DGKI: variants seen among roughly 807,000 people sequenced by gnomAD.
The protein encoded by DGKI is diacylglycerol kinase iota.
Under a neutral mutation model 147.5 loss-of-function variants are expected in DGKI, and 55 were observed. That is an observed-to-expected ratio of 0.37 (90% CI 0.30 to 0.47). DGKI has a LOEUF of 0.47. DGKI is among the 20% of genes least tolerant of loss of function. The pLI is 1.00. For missense variants in DGKI, 1,007 were observed against 1,323.8 expected (o/e 0.76, Z 3.71); for synonymous variants, 469 against 477.1 (o/e 0.98, Z 0.22).
At chr7:137,447,287 G>A (rs1051809396) in intron 27 of DGKI, among the ~76,000 whole-genome samples, 1 of 152,080 alleles carries the variant, frequency 6.6e-6, no homozygotes, top group Admixed American at 6.5e-5. Context: ...CAGGCCATGT[G>A]CCAAGGGAAG....
intron 27 of DGKI, among the ~76,000 whole-genome samples, chr7:137,454,089 T>C (rs1814086482): frequency 6.6e-6 from 1 of 152,168 alleles, no homozygotes; most frequent in South Asian, 2.1e-4. Flanking sequence ...TTAATGATGA[T>C]ATAATATATT....
At chr7:137,817,094 C>T (rs192953072) in intron 1 of DGKI, among the ~76,000 whole-genome samples, 82 of 152,312 alleles carry the variant, frequency 5.4e-4, no homozygotes, top group African/African-American at 1.8e-3. Flanking sequence ...TTATATTTCT[C>T]GGTTACCAAC....
intron 1 of DGKI, among the ~76,000 whole-genome samples, chr7:137,787,077 T>C (rs1796698023): frequency 6.6e-6 from 1 of 152,166 alleles, no homozygotes; most frequent in African/African-American, 2.4e-5. Flanking sequence ...AAAGACTTCA[T>C]GACCAAGAAC....
At chr7:137,646,362 G>C (rs575957162) in intron 5 of DGKI, among the ~76,000 whole-genome samples, 1 of 152,280 alleles carries the variant, frequency 6.6e-6, no homozygotes, top group East Asian at 1.9e-4. Context: ...TTTTGCAATG[G>C]TATTGTGTTT....
intron 11 of DGKI, among the ~76,000 whole-genome samples, chr7:137,599,393 GCACA>G (rs144091863): frequency 6.7e-6 from 1 of 150,258 alleles, no homozygotes; most frequent in Non-Finnish European, 1.5e-5. Flanking sequence ...ACAAGCGCGC[GCACA>G]CACACACACA....
intron 1 of DGKI, among the ~76,000 whole-genome samples, chr7:137,805,200 G>C (rs962642612): frequency 6.6e-6 from 1 of 152,152 alleles, no homozygotes; most frequent in African/African-American, 2.4e-5. Flanking sequence ...ACTAGTTTGT[G>C]CACATCTCCA....
chr7:137,653,466 G>A (rs1822109636), intron 5 of DGKI, among the ~76,000 whole-genome samples: 1 of 152,144 alleles, frequency 6.6e-6, no homozygotes, highest in East Asian at 1.9e-4. Context: ...GGCTTACAAG[G>A]ACCTTCAGGG....
chr7:137,532,158 T>C (rs1346389146), intron 20 of DGKI, among the ~76,000 whole-genome samples: 1 of 152,086 alleles, frequency 6.6e-6, no homozygotes, highest in Non-Finnish European at 1.5e-5. Context: ...GGAAATCACA[T>C]AACCCAATTA....
At chr7:137,672,940 C>A (rs952078571) in intron 3 of DGKI, among the ~76,000 whole-genome samples, 2 of 152,002 alleles carry the variant, frequency 1.3e-5, no homozygotes, top group Admixed American at 6.6e-5. Context: ...TGCATCACTA[C>A]CCCGGCTAAT....
chr7:137,730,702 A>T (rs1052135759), intron 1 of DGKI, among the ~76,000 whole-genome samples: 1 of 152,050 alleles, frequency 6.6e-6, no homozygotes, highest in African/African-American at 2.4e-5. Flanking sequence ...CAAGATAATG[A>T]ACACATCCAT....
intron 17 of DGKI, among the ~76,000 whole-genome samples, chr7:137,575,843 G>T (rs570125393): frequency 6.6e-6 from 1 of 151,506 alleles, no homozygotes; most frequent in South Asian, 2.1e-4. Flanking sequence ...AGCGGTAAAG[G>T]CCTTTGTCTC....
chr7:137,508,113 TG>T (rs992673895), intron 21 of DGKI, among the ~76,000 whole-genome samples: 1 of 151,778 alleles, frequency 6.6e-6, no homozygotes, highest in African/African-American at 2.4e-5. Context: ...CTCAAAAGGA[TG>T]GGTAGATACT....
intron 20 of DGKI, among the ~76,000 whole-genome samples, chr7:137,528,464 T>C (rs948627653): frequency 6.6e-6 from 1 of 152,212 alleles, no homozygotes; most frequent in African/African-American, 2.4e-5. Context: ...CAATCAGTCA[T>C]GCACTCCCAC....
At chr7:137,536,914 T>TA (rs146669017) in intron 20 of DGKI, among the ~76,000 whole-genome samples, 5,027 of 147,742 alleles carry the variant, frequency 0.034, 98 homozygotes, top group Non-Finnish European at 0.05. Flanking sequence ...CAAAACAAAT[T>TA]AAAAAAAAAA....
chr7:137,391,054 G>T lies in DGKI; in HGVS notation c.*166C>A, dbSNP rs1811341919. On this transcript the variant is annotated 3_prime_UTR_variant, in exon 33 of 33. Coordinates refer to ENST00000614521, the MANE Select transcript of DGKI (RefSeq NM_001321708.2). ...TCTCAATGGGCTATCATGTTCTGTT[G>T]TACATCTTGGTAGCCCTTAAAAGCT... 3 of 646,606 alleles carry T rather than the reference G, an allele frequency of 4.6e-6. No homozygotes were observed. The highest frequency in any genetic ancestry group is 8.3e-6 in the Non-Finnish European group (3 of 362,314). 40.1% of individuals were successfully genotyped at this position (646,606 alleles called of 1,614,324 possible).
chr7:137,521,822 A>C (rs1816969814), intron 21 of DGKI, 44 bp downstream of exon 21: 3 of 1,390,884 alleles, frequency 2.2e-6, no homozygotes. Flanking sequence ...AAGAAGCTGA[A>C]GATAGGCTGA....
In DGKI at chr7:137,658,695, A is replaced by T. The variant is rs539997745; in HGVS notation, c.607-2155T>A. ...TGGAAGGAAGATGCGGAGAAAACTC[A>T]GGAAGCCTCATGCATTCAATGAAAT... is the stretch of plus-strand genomic sequence containing the variant. On this transcript the variant is annotated intron_variant, in intron 3 of 32. Coordinates refer to ENST00000614521, the MANE Select transcript of DGKI (RefSeq NM_001321708.2). Among the ~76,000 whole-genome samples, 3 of 152,344 alleles carry T rather than the reference A, an allele frequency of 2.0e-5. No homozygotes were observed. The East Asian group carries it at 5.8e-4, about 29-fold the overall frequency.
At chr7:137,415,316 C>T (rs769276986) in intron 28 of DGKI, among the ~76,000 whole-genome samples, 2 of 152,044 alleles carry the variant, frequency 1.3e-5, no homozygotes, top group Non-Finnish European at 2.9e-5. Flanking sequence ...TTTAAAAATA[C>T]AGTATAACAA....
chr7:137,543,012 C>T (rs944801169), intron 20 of DGKI, among the ~76,000 whole-genome samples: 1 of 152,086 alleles, frequency 6.6e-6, no homozygotes, highest in Admixed American at 6.5e-5. Flanking sequence ...AAATGGAACA[C>T]ATTATTTCAT....
Sources: allele counts gnomAD v4.1 joint callset (sites outside exome capture counted in the v4.1 genomes callset), GRCh38; gene constraint gnomAD v4.1.1; transcripts MANE v1.5; gene names NCBI Gene and HGNC (gene_info 2026-07-23, HGNC 2026-07-21).